The following RFWD3 variants were observed in gnomAD, a reference collection of about 807,000 sequenced individuals.
RFWD3 encodes the protein E3 ubiquitin-protein ligase RFWD3.
RFWD3 carries 65 observed loss-of-function variants against 87.7 expected under a neutral mutation model. The ratio of observed to expected loss-of-function variants is 0.74; its 90% CI spans 0.61 to 0.91. The LOEUF is 0.91. Ranked by LOEUF, RFWD3 falls within the 40% of genes least tolerant of loss-of-function variation. The pLI is 0.00. For missense variants in RFWD3, 1,078 were observed against 938.5 expected (o/e 1.15, Z -1.94); for synonymous variants, 433 against 352.8 (o/e 1.23, Z -2.55).
intron 11 of RFWD3, among the ~76,000 whole-genome samples, chr16:74,626,912 T>C (rs942377465): frequency 6.6e-6 from 1 of 152,204 alleles, no homozygotes; most frequent in African/African-American, 2.4e-5. Flanking sequence ...GGTTTTTCCC[T>C]TCCCCCAGTG....
Position 74,637,869 on chromosome 16 carries a change from T to C in RFWD3, c.1181A>G (p.Gln394Arg). The C allele has an allele frequency of 6.2e-7, 1 of 1,612,522 alleles. No homozygotes were observed. The highest frequency in any genetic ancestry group is 8.5e-7 in the Non-Finnish European group (1 of 1,179,430). Reference sequence around the variant, plus strand: ...GGACAAACGTACCTGAACACGCCTTTGAAGCCTAGTGCACTTATCAGTGAG... The same window carrying C: ...GGACAAACGTACCTGAACACGCCTTCGAAGCCTAGTGCACTTATCAGTGAG... The part of the protein sequence containing the change: ...QVLTDKCTRL[Q>R]RRVQDLQKLT... The change falls in exon 7 of 13, where the codon CAA becomes CGA. Residue 394 changes from glutamine to arginine, a missense_variant. Physicochemically the swap from Gln to Arg is conservative, Grantham distance 43 (BLOSUM62 1). Coordinates refer to ENST00000361070, the MANE Select transcript of RFWD3 (RefSeq NM_018124.4).
chr16:74,634,711 G>A (rs1013926470), intron 8 of RFWD3, among the ~76,000 whole-genome samples: 16 of 151,152 alleles, frequency 1.1e-4, no homozygotes, highest in African/African-American at 3.4e-4. Context: ...TTAAAAATAC[G>A]TCAAATCCTA....
chr16:74,637,957 C>G lies in RFWD3; in HGVS notation c.1093G>C (p.Glu365Gln). ...QERMKSSLLK[E>Q]QMLRKQAELE... ...TCGGCCTGTTTCCTTAGCATCTGTT[C>G]CTTCAGTAGGGAACTAGAGGGGGAA... Residue 365 changes from glutamate (E) to glutamine (Q), a missense_variant, in exon 7 of 13, where the codon GAA becomes CAA. Transcript: ENST00000361070. 1 of 1,610,412 alleles carries G rather than the reference C, an allele frequency of 6.2e-7. No homozygotes were observed. Among genetic ancestry groups the G allele is most frequent in the Non-Finnish European group, 8.5e-7 (1 of 1,178,952 alleles).
chr16:74,664,821 C>T (rs548097839), intron 1 of RFWD3: 2 of 152,292 alleles, frequency 1.3e-5, no homozygotes, highest in African/African-American at 2.4e-5. Flanking sequence ...TAGAAACACA[C>T]ATAGGGCGGG....
intron 2 of RFWD3, among the ~76,000 whole-genome samples, chr16:74,655,762 G>C (rs541564675): frequency 1.2e-4 from 19 of 152,024 alleles, no homozygotes; most frequent in African/African-American, 2.2e-4. Flanking sequence ...TCCTGACCTC[G>C]TGATCTGCCC....
intron 3 of RFWD3, among the ~76,000 whole-genome samples, chr16:74,649,439 C>T (rs1257130934): frequency 6.6e-6 from 1 of 152,196 alleles, no homozygotes; most frequent in Non-Finnish European, 1.5e-5. Context: ...AGTTAAGCCA[C>T]AAGTACCCAT....
At chr16:74,638,064 G>A (rs890842138) in intron 6 of RFWD3, 94 bp from the exon 7 acceptor site, 15 of 704,742 alleles carry the variant, frequency 2.1e-5, no homozygotes, top group East Asian at 8.6e-5. Context: ...TATGATGCAC[G>A]TTCTTTGCTG....
At chr16:74,629,621 C>A (rs1959032262) in intron 10 of RFWD3, among the ~76,000 whole-genome samples, 1 of 150,622 alleles carries the variant, frequency 6.6e-6, no homozygotes, top group Non-Finnish European at 1.5e-5. Flanking sequence ...AGTGAGACAC[C>A]ATCTTAAAAA....
chr16:74,648,225 C>CT lies in RFWD3; in HGVS notation c.792+906dup, dbSNP rs1182884940. On this transcript the variant is annotated intron_variant, in intron 4 of 12. Coordinates refer to ENST00000361070, the MANE Select transcript of RFWD3 (RefSeq NM_018124.4). ...TACTCCTCCCTCCCCATTTTTAAATCTAAGAGACAGCAGTCACACAAATAA... is the reference window on the plus strand; with the variant it reads ...TACTCCTCCCTCCCCATTTTTAAATCTTAAGAGACAGCAGTCACACAAATAA... Among the ~76,000 whole-genome samples the CT allele has an allele frequency of 3.3e-5, 5 of 152,142 alleles. No homozygotes were observed. In the South Asian group the frequency reaches 8.3e-4, roughly 25 times the overall value.
At chr16:74,625,244 A>G (rs1253255871) in intron 12 of RFWD3, among the ~76,000 whole-genome samples, 1 of 149,718 alleles carries the variant, frequency 6.7e-6, no homozygotes, top group East Asian at 2.0e-4. Context: ...AAAGGTAGAG[A>G]GCACGGTGGC....
At chr16:74,630,652 C>G in intron 10 of RFWD3, 129 bp downstream of exon 10, 1 of 651,676 alleles carries the variant, frequency 1.5e-6, no homozygotes, top group Non-Finnish European at 2.5e-6. Context: ...GAAGTGAGAT[C>G]AAGTGGATCT....
At chr16:74,646,924 A>G (rs1200845300) in intron 4 of RFWD3, among the ~76,000 whole-genome samples, 8 of 151,190 alleles carry the variant, frequency 5.3e-5, no homozygotes, top group African/African-American at 1.7e-4. Context: ...AACAACAACA[A>G]CAACAACAAC....
intron 9 of RFWD3, 62 bp from the exon 10 acceptor site, chr16:74,631,019 TAA>T: frequency 7.2e-7 from 1 of 1,388,912 alleles, no homozygotes; most frequent in Non-Finnish European, 9.9e-7. Flanking sequence ...GACAAAGATG[TAA>T]AGATTATCAT....
intron 9 of RFWD3, 144 bp downstream of exon 9, chr16:74,632,379 G>C (rs554337501): frequency 3.4e-6 from 3 of 887,432 alleles, no homozygotes; most frequent in Non-Finnish European, 3.5e-6. Flanking sequence ...GTGACAGAGC[G>C]AGACTCCATC....
chr16:74,625,514 G>GAAA (rs34657625), intron 12 of RFWD3, among the ~76,000 whole-genome samples: 2 of 143,108 alleles, frequency 1.4e-5, no homozygotes, highest in Non-Finnish European at 1.5e-5. Context: ...ACCGTCTCAA[G>GAAA]AAAAAAAAAA....
chr16:74,626,712 A>G (rs193242124), intron 11 of RFWD3, among the ~76,000 whole-genome samples, 158 bp from the exon 12 acceptor site: 54 of 152,316 alleles, frequency 3.5e-4, no homozygotes, highest in Admixed American at 2.7e-3. Context: ...GAACAATATC[A>G]CAGCATCAAT....
intron 9 of RFWD3, among the ~76,000 whole-genome samples, chr16:74,631,706 G>T (rs1189372230): frequency 6.6e-6 from 1 of 152,084 alleles, no homozygotes; most frequent in Non-Finnish European, 1.5e-5. Flanking sequence ...AATTATCCAG[G>T]TAACAGACCA....
At chr16:74,644,229 C>A (rs954067318) in intron 6 of RFWD3, 133 bp downstream of exon 6, 3 of 811,144 alleles carry the variant, frequency 3.7e-6, no homozygotes, top group Admixed American at 3.5e-5. Flanking sequence ...AGACAGACTG[C>A]CAATGATCCC....
intron 12 of RFWD3, among the ~76,000 whole-genome samples, chr16:74,625,146 G>C (rs1958889952): frequency 6.7e-6 from 1 of 149,714 alleles, no homozygotes; most frequent in Admixed American, 6.7e-5. Flanking sequence ...GTTGTAGTAA[G>C]CCAAGATTGC....
Sources: gnomAD v4.1 joint callset for allele counts (sites outside exome capture counted in the v4.1 genomes callset) on GRCh38, gnomAD v4.1.1 for gene constraint, MANE v1.5 for transcripts, NCBI Gene and HGNC (gene_info 2026-07-23, HGNC 2026-07-21) for gene names.